The following EYS variants were observed in gnomAD, a reference collection of about 807,000 sequenced individuals.
The protein encoded by EYS is protein eyes shut homolog.
A neutral mutation model predicts 282.1 loss-of-function variants in EYS; 250 were observed. The observed-to-expected ratio is 0.89, with a 90% CI of 0.80 to 0.98. The LOEUF (loss-of-function observed/expected upper bound fraction) is 0.98. EYS is among the 50% of genes least tolerant of loss of function. EYS has a pLI of 0.00. For missense variants in EYS, 4,016 were observed against 3,709.0 expected (o/e 1.08, Z -2.15); for synonymous variants, 1,355 against 1,282.9 (o/e 1.06, Z -1.20).
intron 14 of EYS, among the ~76,000 whole-genome samples, chr6:64,974,276 G>A (rs78141606): frequency 0.041 from 6,286 of 151,934 alleles, 145 homozygotes; most frequent in South Asian, 0.088. Context: ...TGTATTTGAA[G>A]ACTATTGGGT....
chr6:65,406,312 T>C (rs1446301211), intron 5 of EYS, among the ~76,000 whole-genome samples: 1 of 152,124 alleles, frequency 6.6e-6, no homozygotes, highest in Non-Finnish European at 1.5e-5. Context: ...GAGTTCTTTG[T>C]ATATATTGAA....
At chr6:64,057,774 T>C (rs1356406958) in intron 33 of EYS, among the ~76,000 whole-genome samples, 2 of 152,182 alleles carry the variant, frequency 1.3e-5, no homozygotes, top group Non-Finnish European at 2.9e-5. Flanking sequence ...ATCAAACATA[T>C]TACTTTCATA....
chr6:64,900,460 G>A (rs1314395548), intron 18 of EYS, among the ~76,000 whole-genome samples: 1 of 152,058 alleles, frequency 6.6e-6, no homozygotes, highest in Non-Finnish European at 1.5e-5. Context: ...CAGAATGGGA[G>A]AAAATTTTGC....
chr6:64,108,601 C>T (rs1773108186), intron 31 of EYS, among the ~76,000 whole-genome samples: 1 of 149,934 alleles, frequency 6.7e-6, no homozygotes, highest in African/African-American at 2.5e-5. Context: ...GAAACACTTG[C>T]CTTTGAAGAC....
intron 22 of EYS, among the ~76,000 whole-genome samples, chr6:64,726,073 C>G (rs1771745241): frequency 6.6e-6 from 1 of 152,042 alleles, no homozygotes; most frequent in South Asian, 2.1e-4. Flanking sequence ...ATATCCAAGA[C>G]TTTTGTCTCC....
chr6:64,028,017 C>T lies in EYS; in HGVS notation c.6726-28834G>A, dbSNP rs374951516. On this transcript the variant is annotated intron_variant, in intron 33 of 42. Transcript: ENST00000503581. The stretch of plus-strand genomic sequence containing the variant: ...ACAGCCTGTAACCAGGTATTTCTCC[C>T]ACCTTCTCAGTTGTAATTGGGAGAC... 2.6e-5 allele frequency among the ~76,000 whole-genome samples: 4 copies of T among 152,352 alleles called. No homozygotes were observed. The East Asian group carries it at 5.8e-4, about 22-fold the overall frequency.
At chr6:64,784,833 C>A (rs1773969268) in intron 22 of EYS, among the ~76,000 whole-genome samples, 1 of 152,000 alleles carries the variant, frequency 6.6e-6, no homozygotes, top group African/African-American at 2.4e-5. Context: ...TTGCTTTGTT[C>A]TGATGTGTAA....
chr6:64,644,199 A>G (rs1356643369), intron 22 of EYS, among the ~76,000 whole-genome samples: 1 of 152,196 alleles, frequency 6.6e-6, no homozygotes, highest in Non-Finnish European at 1.5e-5. Flanking sequence ...GAGTCAAAAG[A>G]TAAATAATTT....
chr6:64,779,646 C>G (rs933606197), intron 22 of EYS, among the ~76,000 whole-genome samples: 1 of 151,986 alleles, frequency 6.6e-6, no homozygotes, highest in Non-Finnish European at 1.5e-5. Flanking sequence ...CTTTAGTTAA[C>G]AATAATGTAC....
chr6:64,999,622 G>A (rs1264953994), intron 13 of EYS, among the ~76,000 whole-genome samples: 5 of 152,104 alleles, frequency 3.3e-5, no homozygotes, highest in South Asian at 2.1e-4. Flanking sequence ...TAAAAACCCC[G>A]GAGACCCTAG....
At chr6:64,541,919 T>C (rs1304521727) in intron 26 of EYS, among the ~76,000 whole-genome samples, 6 of 152,160 alleles carry the variant, frequency 3.9e-5, no homozygotes, top group Admixed American at 1.3e-4. Context: ...AGATATTAAA[T>C]AAGGAAGTGC....
rs146763113 is a variant in EYS, at chr6:64,942,898, C to T, written c.2381+2895G>A. On this transcript the variant is annotated intron_variant, in intron 15 of 42. Transcript: ENST00000503581. The stretch of plus-strand genomic sequence containing the variant: ...AATTCACTCTATGAACCAGTATTAT[C>T]GAGATACCAAAACCTGGAAAAGATA... Among the ~76,000 whole-genome samples, 170 of 149,644 alleles carry T rather than the reference C, an allele frequency of 1.1e-3. 1 individual carries two copies. The highest frequency in any genetic ancestry group is 3.5e-3 in the Middle Eastern group (1 of 284).
At chr6:65,504,886 T>C (rs1229119017) in intron 2 of EYS, among the ~76,000 whole-genome samples, 1 of 151,786 alleles carries the variant, frequency 6.6e-6, no homozygotes, top group Non-Finnish European at 1.5e-5. Flanking sequence ...TTTTAATACA[T>C]TTGTCTACTT....
intron 26 of EYS, among the ~76,000 whole-genome samples, chr6:64,586,748 G>T (rs554088894): frequency 2.0e-5 from 3 of 152,012 alleles, no homozygotes; most frequent in East Asian, 3.9e-4. Context: ...AATTTTATCT[G>T]CAGTGTACAT....
intron 31 of EYS, among the ~76,000 whole-genome samples, chr6:64,102,747 T>C (rs1772874629): frequency 1.3e-5 from 2 of 152,200 alleles, no homozygotes; most frequent in Non-Finnish European, 1.5e-5. Flanking sequence ...GTGATGATTA[T>C]GATTATTTTG....
Position 65,562,495 on chromosome 6 carries a change from C to A in EYS, c.-332-66502G>T, listed in dbSNP as rs376245884. ...GGAAAGAATGAAATAAGTGAAAAAA[C>A]CCCTGAAATATTAGAAATCTTCCAA... On this transcript the variant is annotated intron_variant, in intron 2 of 42. Coordinates refer to ENST00000503581, the MANE Select transcript of EYS (RefSeq NM_001142800.2). Among the ~76,000 whole-genome samples, 548 of 152,016 alleles carry A rather than the reference C, an allele frequency of 3.6e-3. 6 individuals carry two copies. Among genetic ancestry groups the A allele is most frequent in the South Asian group, 0.029 (139 of 4,806 alleles).
intron 22 of EYS, among the ~76,000 whole-genome samples, chr6:64,792,603 G>T (rs950680663): frequency 6.6e-6 from 1 of 151,878 alleles, no homozygotes; most frequent in Non-Finnish European, 1.5e-5. Context: ...ATATAACAAA[G>T]ATATGATTAA....
intron 12 of EYS, among the ~76,000 whole-genome samples, chr6:65,062,827 C>T (rs1243765894): frequency 6.6e-6 from 1 of 151,946 alleles, no homozygotes; most frequent in Non-Finnish European, 1.5e-5. Context: ...TAACTCCTCT[C>T]ACATCACCGT....
At chr6:64,806,183 T>TA (rs1230882557) in intron 22 of EYS, among the ~76,000 whole-genome samples, 1 of 151,772 alleles carries the variant, frequency 6.6e-6, no homozygotes, top group Non-Finnish European at 1.5e-5. Context: ...CTCTATTTAA[T>TA]AAAATGTCAC....
Sources: allele counts gnomAD v4.1 joint callset (sites outside exome capture counted in the v4.1 genomes callset), GRCh38; gene constraint gnomAD v4.1.1; transcripts MANE v1.5; gene names NCBI Gene and HGNC (gene_info 2026-07-23, HGNC 2026-07-21).